The following DAAM2 variants were observed in gnomAD, a reference collection of about 807,000 sequenced individuals.
The protein encoded by DAAM2 is disheveled-associated activator of morphogenesis 2.
DAAM2 carries 39 observed loss-of-function variants against 120.7 expected under a neutral mutation model. The ratio of observed to expected loss-of-function variants is 0.32; its 90% CI spans 0.25 to 0.42. The LOEUF is 0.42. Among genes scored for constraint, DAAM2 ranks in the 10% least tolerant of loss-of-function variants. DAAM2 has a pLI of 1.00. For missense variants in DAAM2, 1,283 were observed against 1,401.7 expected (o/e 0.92, Z 1.35); for synonymous variants, 488 against 524.9 (o/e 0.93, Z 0.96).
chr6:39,837,943 C>T (rs979140266), intron 1 of DAAM2, among the ~76,000 whole-genome samples: 1 of 152,222 alleles, frequency 6.6e-6, no homozygotes, highest in Non-Finnish European at 1.5e-5. Context: ...CAGCCTTACA[C>T]TCTCCCTGTG....
Position 39,856,335 on chromosome 6 carries a change from G to A in DAAM2, c.33G>A (p.Leu11=). 1 of 1,551,766 alleles carries A rather than the reference G, an allele frequency of 6.4e-7. No individual in the cohort carries two copies. Among genetic ancestry groups the A allele is most frequent in the Non-Finnish European group, 8.7e-7 (1 of 1,149,044 alleles). MAPRKRSHHG[L]GFLCCFGGSD... is the part of the protein sequence containing the mutation. ...CCCGCAAGAGGAGCCACCATGGCCT[G>A]GGCTTCCTGTGCTGCTTCGGGGGCA... Residue 11 remains leucine (L), a synonymous_variant, in exon 2 of 25, where the codon CTG becomes CTA. Transcript: ENST00000274867.
Position 39,867,734 on chromosome 6 carries a change from C to T in DAAM2, c.653C>T (p.Ala218Val), listed in dbSNP as rs1177429411. 6.2e-7 allele frequency: 1 copy of T among 1,614,034 alleles called. No homozygotes were observed. The highest frequency in any genetic ancestry group is 8.5e-7 in the Non-Finnish European group (1 of 1,179,908). ...ACAGAGAACAGCAAGACCAAGGTGG[C>T]TGTGCTGGAGATCCTGGGTGCTGTG... ...LRTENSKTKV[A>V]VLEILGAVCL... Residue 218 changes from alanine (A) to valine (V), a missense_variant, in exon 6 of 25, where the codon GCT (alanine) becomes GTT (valine). Transcript: ENST00000274867.
chr6:39,888,816 C>A, intron 17 of DAAM2, 53 bp downstream of exon 17: 1 of 1,406,424 alleles, frequency 7.1e-7, no homozygotes, highest in Non-Finnish European at 1.0e-6. Flanking sequence ...GCAGCCACGC[C>A]CCTTCCCAAC....
intron 1 of DAAM2, among the ~76,000 whole-genome samples, chr6:39,842,718 T>C (rs1388512691): frequency 2.0e-5 from 3 of 152,130 alleles, no homozygotes; most frequent in Non-Finnish European, 4.4e-5. Flanking sequence ...AAGTGTCCTA[T>C]AAACAGCAGA....
At chr6:39,893,026 A>C (rs372130085) in intron 19 of DAAM2, among the ~76,000 whole-genome samples, 1 of 152,196 alleles carries the variant, frequency 6.6e-6, no homozygotes. Context: ...ACTTTCTTTC[A>C]TCCTGCTGCA....
At chr6:39,879,815 A>C (rs1765044349) in intron 14 of DAAM2, 3 of 433,208 alleles carry the variant, frequency 6.9e-6, no homozygotes, top group Admixed American at 7.5e-5. Context: ...AGGATGGAAA[A>C]ATAAGCAAAG....
rs1309367786 is a variant in DAAM2 at position 39,869,071 on chromosome 6, G to C, written c.873+138G>C. The C allele has an allele frequency of 4.4e-6, 3 of 677,600 alleles. No homozygotes were observed. In the African/African-American group the frequency reaches 5.3e-5, roughly 12 times the overall value. 42.0% of individuals were successfully genotyped at this position (677,600 alleles called of 1,614,324 possible). ...TCCTGGGGAGTTGCCTACATAGGTA[G>C]CATCATGCACGGTGGACAGACCCAG... On this transcript the variant is annotated intron_variant, in intron 7 of 24. Transcript: ENST00000274867.
intron 1 of DAAM2, among the ~76,000 whole-genome samples, chr6:39,836,375 A>G (rs9296313): frequency 0.14 from 21,630 of 152,128 alleles, 2,984 homozygotes; most frequent in East Asian, 0.36. Context: ...CAGTTTATCC[A>G]CATTTCTGCT....
chr6:39,820,216 A>G (rs2114124845), intron 1 of DAAM2: 2 of 151,972 alleles, frequency 1.3e-5, no homozygotes, highest in African/African-American at 4.8e-5. Flanking sequence ...GGGTGGGACC[A>G]TGTGGGGGAA....
intron 4 of DAAM2, 87 bp downstream of exon 4, chr6:39,864,594 C>G: frequency 2.8e-6 from 3 of 1,054,684 alleles, no homozygotes; most frequent in Non-Finnish European, 4.2e-6. Context: ...CCCCACACAC[C>G]AAACTGCCTT....
chr6:39,825,530 G>T (rs1464717390), intron 1 of DAAM2, among the ~76,000 whole-genome samples: 1 of 151,954 alleles, frequency 6.6e-6, no homozygotes, highest in Non-Finnish European at 1.5e-5. Flanking sequence ...GTGTGTGTTG[G>T]GGGGCACTTT....
intron 1 of DAAM2, among the ~76,000 whole-genome samples, chr6:39,817,345 C>T (rs956458822): frequency 6.6e-6 from 1 of 152,200 alleles, no homozygotes; most frequent in Non-Finnish European, 1.5e-5. Flanking sequence ...AACACACAAT[C>T]TCCAAATTTC....
At chr6:39,840,799 C>CCATTACA (rs1763295199) in intron 1 of DAAM2, among the ~76,000 whole-genome samples, 2 of 152,106 alleles carry the variant, frequency 1.3e-5, no homozygotes, top group African/African-American at 4.8e-5. Context: ...CGACACTGTC[C>CCATTACA]CTGACCTAAG....
chr6:39,835,197 T>C (rs1763057947), intron 1 of DAAM2, among the ~76,000 whole-genome samples: 1 of 152,238 alleles, frequency 6.6e-6, no homozygotes, highest in Non-Finnish European at 1.5e-5. Context: ...TAAGCTAAGA[T>C]GCTGGACATA....
At position 39,903,095 on chromosome 6, in the gene DAAM2, G is replaced by C. The variant is rs1766583434; in HGVS notation, c.*1058G>C. 1 of 152,272 alleles carries C rather than the reference G, an allele frequency of 6.6e-6. No individual in the cohort carries two copies. The highest frequency in any genetic ancestry group is 1.5e-5 in the Non-Finnish European group (1 of 68,076). 9.4% of individuals were successfully genotyped at this position (152,272 alleles called of 1,614,324 possible). ...CAGAAGCCACAGCAGCCTCTGTCCA[G>C]CCTGCAGGTGGCCACTTGGAACCAT... On this transcript the variant is annotated 3_prime_UTR_variant, in exon 25 of 25. Coordinates refer to ENST00000274867, the MANE Select transcript of DAAM2 (RefSeq NM_001201427.2).
intron 1 of DAAM2, among the ~76,000 whole-genome samples, chr6:39,808,693 T>C (rs1325680019): frequency 1.3e-5 from 2 of 152,180 alleles, no homozygotes; most frequent in Non-Finnish European, 2.9e-5. Flanking sequence ...CCAAGTGACA[T>C]ACACTGTGTT....
chr6:39,868,648 T>G, intron 6 of DAAM2, 175 bp from the exon 7 acceptor site: 1 of 587,940 alleles, frequency 1.7e-6, no homozygotes, highest in Non-Finnish European at 3.1e-6. Context: ...GCAAGGGAAT[T>G]TTCCAGGCAG....
At chr6:39,826,632 T>C (rs1449693539) in intron 1 of DAAM2, among the ~76,000 whole-genome samples, 1 of 152,180 alleles carries the variant, frequency 6.6e-6, no homozygotes, top group Non-Finnish European at 1.5e-5. Flanking sequence ...GTTTGTTTGC[T>C]TTTCTCCTTT....
chr6:39,835,569 G>T (rs769192787), intron 1 of DAAM2, among the ~76,000 whole-genome samples: 23 of 152,190 alleles, frequency 1.5e-4, no homozygotes, highest in Admixed American at 3.9e-4. Context: ...TCACAGAGTT[G>T]GTGCTCAGAG....
Sources: allele counts gnomAD v4.1 joint callset (sites outside exome capture counted in the v4.1 genomes callset), GRCh38; gene constraint gnomAD v4.1.1; transcripts MANE v1.5; gene names NCBI Gene and HGNC (gene_info 2026-07-23, HGNC 2026-07-21).